The following B3GALT9 variants were observed in gnomAD, a reference collection of about 807,000 sequenced individuals.
B3GALT9 encodes UDP-GlcNAc:betaGal beta-1,3-N-acetylglucosaminyltransferase 10 (putative).
At position 120,799,458 on chromosome 9, in the gene B3GALT9, T is replaced by C; in HGVS notation, c.890T>C (p.Ile297Thr). Reference protein sequence around the residue: ...HSSRFSGKRHIRYNRCCYKFI... With the variant: ...HSSRFSGKRHTRYNRCCYKFI... ...TCAAGGTTTTCTGGGAAAAGGCACA[T>C]TAGATACAACAGATGTTGCTATAAG... The change falls in exon 3 of 3, where the codon ATT becomes ACT. Residue 297 changes from isoleucine (I) to threonine (T), a missense_variant. Coordinates refer to ENST00000689072, the MANE Select transcript of B3GALT9 (RefSeq NM_001386823.1). 1 of 399,306 alleles carries C rather than the reference T, an allele frequency of 2.5e-6. No individual in the cohort carries two copies. The highest frequency in any genetic ancestry group is 4.4e-6 in the Non-Finnish European group (1 of 226,104). The allele number at this position is 399,306 out of a possible 1,614,324, so 24.7% of individuals were successfully genotyped here.
intron 1 of B3GALT9, among the ~76,000 whole-genome samples, chr9:120,795,979 G>A (rs2044936302): frequency 6.6e-6 from 1 of 152,176 alleles, no homozygotes; most frequent in South Asian, 2.1e-4. Context: ...ACTTAAAATT[G>A]ATTTAGTAAA....
chr9:120,793,550 T>C lies in B3GALT9; in HGVS notation c.-554T>C, dbSNP rs1377292313. 1.0e-5 allele frequency: 4 copies of C among 399,296 alleles called. No homozygotes were observed. The highest frequency in any genetic ancestry group is 1.8e-5 in the Non-Finnish European group (4 of 226,740). The allele number at this position is 399,296 out of a possible 1,614,324, so 24.7% of individuals were successfully genotyped here. A position where few individuals can be genotyped will look rare whatever the true frequency, so the allele number is the denominator to read the frequency against. On this transcript the variant is annotated 5_prime_UTR_variant, in exon 1 of 3. Coordinates refer to ENST00000689072, the MANE Select transcript of B3GALT9 (RefSeq NM_001386823.1). ...TGGGGAGAAGAGCGTCCCGGGAAGC[T>C]GAACGCGTGCCGCGCGGCCCTCACG...
rs551657249 is a variant in B3GALT9 at position 120,793,526 on chromosome 9, G to C, written c.-578G>C. On this transcript the variant is annotated 5_prime_UTR_variant, in exon 1 of 3. Transcript: ENST00000689072. ...GAGGCTGGAGGCCGGGAGTAGGGGT[G>C]GGGAGAAGAGCGTCCCGGGAAGCTG... 4 of 399,880 alleles carry C rather than the reference G, an allele frequency of 1.0e-5. No individual in the cohort carries two copies. Among genetic ancestry groups the C allele is most frequent in the Non-Finnish European group, 1.8e-5 (4 of 227,092 alleles). The allele number at this position is 399,880 out of a possible 1,614,324, so 24.8% of individuals were successfully genotyped here.
rs989938504 is a variant in B3GALT9 at position 120,801,630 on chromosome 9, C to T, written c.*1952C>T. Among the ~76,000 whole-genome samples, 6 of 152,290 alleles carry T rather than the reference C, an allele frequency of 3.9e-5. No homozygotes were observed. The highest frequency in any genetic ancestry group is 1.9e-4 in the East Asian group (1 of 5,192). On this transcript the variant is annotated 3_prime_UTR_variant, in exon 3 of 3. Transcript: ENST00000689072. ...TGGTACGTGCCTGTAATCCCAGCTA[C>T]GCGGGAGGCTGACACAGGAAAATCG...
At chr9:120,797,148 A>AAAAG (rs939932056) in intron 2 of B3GALT9, among the ~76,000 whole-genome samples, 2 of 150,850 alleles carry the variant, frequency 1.3e-5, no homozygotes, top group African/African-American at 2.5e-5. Context: ...AGAAAGAAAG[A>AAAAG]AAAGAAAGAA....
Position 120,801,379 on chromosome 9 carries a change from T to A in B3GALT9, c.*1701T>A, listed in dbSNP as rs2044968357. 6.6e-6 allele frequency among the ~76,000 whole-genome samples: 1 copy of A among 152,198 alleles called. No homozygotes were observed. Among genetic ancestry groups the A allele is most frequent in the Admixed American group, 6.5e-5 (1 of 15,278 alleles). On this transcript the variant is annotated 3_prime_UTR_variant, in exon 3 of 3. Transcript: ENST00000689072. ...TGGTATTGAGCATTTTTTTTTCATATACCTGTTGGCCATTTGTACTTCTTC... is the reference window on the plus strand; with the variant it reads ...TGGTATTGAGCATTTTTTTTTCATAAACCTGTTGGCCATTTGTACTTCTTC...
intron 2 of B3GALT9, among the ~76,000 whole-genome samples, chr9:120,798,063 TAGCCAGGGTGTCATGGCTAACAAAAGC>T (rs1270615162): frequency 1.3e-5 from 2 of 152,006 alleles, no homozygotes; most frequent in Non-Finnish European, 2.9e-5. Context: ...TATTTGATAG[TAGCCAGGGTGTCATGGCTAACAAAAGC>T]AGCCACTTCA....
In B3GALT9 at chr9:120,793,790, C is replaced by A; in HGVS notation, c.-314C>A. The A allele has an allele frequency of 2.5e-6, 1 of 395,396 alleles. No individual in the cohort carries two copies. The highest frequency in any genetic ancestry group is 4.5e-6 in the Non-Finnish European group (1 of 224,450). 24.5% of individuals were successfully genotyped at this position (395,396 alleles called of 1,614,324 possible). On this transcript the variant is annotated 5_prime_UTR_variant, in exon 1 of 3. Coordinates refer to ENST00000689072, the MANE Select transcript of B3GALT9 (RefSeq NM_001386823.1). ...TACAACCTGTTGGGCACCTCTTTAT[C>A]CCGAACGCTGTTCTAGGGGATAGGG... is the stretch of plus-strand genomic sequence containing the variant.
intron 2 of B3GALT9, among the ~76,000 whole-genome samples, chr9:120,798,187 C>G (rs1371962967): frequency 6.6e-6 from 1 of 152,232 alleles, no homozygotes; most frequent in African/African-American, 2.4e-5. Flanking sequence ...TATTTTCCTA[C>G]AGGTTTTTAT....
intron 1 of B3GALT9, among the ~76,000 whole-genome samples, chr9:120,795,721 T>C (rs72758114): frequency 0.017 from 2,622 of 152,290 alleles, 47 homozygotes; most frequent in Non-Finnish European, 0.024. Flanking sequence ...GGACGAAATA[T>C]AGCCTGGCAT....
intron 1 of B3GALT9, among the ~76,000 whole-genome samples, chr9:120,794,289 T>G (rs2044916846): frequency 6.6e-6 from 1 of 151,894 alleles, no homozygotes; most frequent in Admixed American, 6.6e-5. Flanking sequence ...AAGGTCATAG[T>G]AAATGGCTGT....
chr9:120,797,980 T>A (rs908607849), intron 2 of B3GALT9, among the ~76,000 whole-genome samples: 2 of 152,216 alleles, frequency 1.3e-5, no homozygotes, highest in Non-Finnish European at 2.9e-5. Flanking sequence ...TCAGATAGAT[T>A]AGGAGCCATT....
rs539630016 is a variant in B3GALT9 at position 120,800,410 on chromosome 9, C to G, written c.*732C>G. ...CTGGGATTACAGGTGTGAGCCACCACGCCTGGCCTAATTTTTGTATTTTTT... is the reference window on the plus strand; with the variant it reads ...CTGGGATTACAGGTGTGAGCCACCAGGCCTGGCCTAATTTTTGTATTTTTT... On this transcript the variant is annotated 3_prime_UTR_variant, in exon 3 of 3. Transcript: ENST00000689072. Among the ~76,000 whole-genome samples, 4 of 151,578 alleles carry G rather than the reference C, an allele frequency of 2.6e-5. No homozygotes were observed. The highest frequency in any genetic ancestry group is 4.8e-5 in the African/African-American group (2 of 41,246).
In B3GALT9 at chr9:120,793,526, G is replaced by T. The variant is rs551657249; in HGVS notation, c.-578G>T. On this transcript the variant is annotated 5_prime_UTR_variant, in exon 1 of 3. Transcript: ENST00000689072. ...GAGGCTGGAGGCCGGGAGTAGGGGT[G>T]GGGAGAAGAGCGTCCCGGGAAGCTG... 7 of 399,998 alleles carry T rather than the reference G, an allele frequency of 1.8e-5. No homozygotes were observed. The South Asian group carries it at 6.2e-4, about 35-fold the overall frequency. The allele number at this position is 399,998 out of a possible 1,614,324, so 24.8% of individuals were successfully genotyped here.
chr9:120,795,290 C>T (rs2044931441), intron 1 of B3GALT9, among the ~76,000 whole-genome samples: 1 of 152,134 alleles, frequency 6.6e-6, no homozygotes, highest in Admixed American at 6.5e-5. Context: ...TTGGAGCAAA[C>T]ATTCTCAACC....
intron 2 of B3GALT9, among the ~76,000 whole-genome samples, chr9:120,796,883 T>C (rs140486819): frequency 0.01 from 1,543 of 151,454 alleles, 35 homozygotes; most frequent in African/African-American, 0.035. Flanking sequence ...ATGGTGAAAC[T>C]CCGTCTCTAC....
At chr9:120,794,505 G>GT (rs1195994674) in intron 1 of B3GALT9, among the ~76,000 whole-genome samples, 3 of 99,372 alleles carry the variant, frequency 3.0e-5, no homozygotes, top group African/African-American at 1.2e-4. Context: ...TGCCCAGCTA[G>GT]TTGTGTGTGT....
rs893977026 is a variant in B3GALT9 at position 120,793,897 on chromosome 9, C to T, written c.-207C>T. ...GGAGGAAGACAGATAAACTAAGGCT[C>T]GTGCAAAGGAGAAAAATAAAGCAAG... is the stretch of plus-strand genomic sequence containing the variant. On this transcript the variant is annotated 5_prime_UTR_variant, in exon 1 of 3. Transcript: ENST00000689072. 7.1e-5 allele frequency: 26 copies of T among 367,412 alleles called. No individual in the cohort carries two copies. The highest frequency in any genetic ancestry group is 1.4e-4 in the Admixed American group (3 of 21,710). The allele number at this position is 367,412 out of a possible 1,614,324, so 22.8% of individuals were successfully genotyped here. A position where few individuals can be genotyped will look rare whatever the true frequency, so the allele number is the denominator to read the frequency against.
intron 1 of B3GALT9, among the ~76,000 whole-genome samples, chr9:120,795,710 A>T (rs1278658645): frequency 6.6e-6 from 1 of 152,242 alleles, no homozygotes; most frequent in Non-Finnish European, 1.5e-5. Context: ...GTTGAAGGAA[A>T]GGACGAAATA....
Sources: allele counts gnomAD v4.1 joint callset (sites outside exome capture counted in the v4.1 genomes callset), GRCh38; gene constraint gnomAD v4.1.1; transcripts MANE v1.5; gene names NCBI Gene and HGNC (gene_info 2026-07-23, HGNC 2026-07-21).